The following FAM78B variants were observed in gnomAD, a reference collection of about 807,000 sequenced individuals.
FAM78B encodes the protein protein FAM78B.
In FAM78B, 10 loss-of-function variants were observed where a neutral mutation model predicts 20.0. That is an observed-to-expected ratio of 0.50 (90% CI 0.31 to 0.85). FAM78B has a LOEUF of 0.85. Ranked by LOEUF, FAM78B falls within the 40% of genes least tolerant of loss-of-function variation. The pLI is 0.05. For synonymous variants in FAM78B, 135 were observed against 132.8 expected, an observed-to-expected ratio of 1.02 and a Z score of -0.12; for missense variants, 283 against 345.0, an observed-to-expected ratio of 0.82 and a Z score of 1.42.
At position 166,109,862 on chromosome 1, in the gene FAM78B, GTA is replaced by G. The variant is rs1491187344; in HGVS notation, c.264-39101_264-39100del. Among the ~76,000 whole-genome samples, 26 of 16,270 alleles carry G rather than the reference GTA, an allele frequency of 1.6e-3. 4 individuals carry two copies. Among genetic ancestry groups the G allele is most frequent in the South Asian group, 4.9e-3 (2 of 406 alleles). 10.7% of individuals were successfully genotyped at this position (16,270 alleles called of 152,430 possible). A position where few individuals can be genotyped will look rare whatever the true frequency, so the allele number is the denominator to read the frequency against. On this transcript the variant is annotated intron_variant, in intron 1 of 1. Transcript: ENST00000354422. ...TATGTATATATATATATATATATAT[GTA>G]TGTGTATATATATATATGTATATAT... is the stretch of plus-strand genomic sequence containing the variant.
intron 2 of FAM78B, among the ~76,000 whole-genome samples, chr1:166,063,694 G>A (rs891327263): frequency 1.4e-4 from 22 of 152,120 alleles, no homozygotes; most frequent in African/African-American, 5.1e-4. Context: ...TAGGCTCAGC[G>A]ATCTCACTAT....
chr1:166,125,230 C>T lies in FAM78B; in HGVS notation c.263+40756G>A, dbSNP rs138688332. ...TTTTTCCTATGGTTGTGGGACCAAG[C>T]GCCAGGCAGGTCTCTGACTCACTGT... On this transcript the variant is annotated intron_variant, in intron 1 of 1. Coordinates refer to ENST00000354422, the MANE Select transcript of FAM78B (RefSeq NM_001017961.5). Among the ~76,000 whole-genome samples the T allele has an allele frequency of 2.0e-3, 311 of 152,226 alleles. 1 individual carries two copies. The highest frequency in any genetic ancestry group is 6.9e-3 in the African/African-American group (285 of 41,554).
intron 1 of FAM78B, among the ~76,000 whole-genome samples, chr1:166,151,229 G>T (rs1003721891): frequency 6.6e-6 from 1 of 152,190 alleles, no homozygotes; most frequent in Non-Finnish European, 1.5e-5. Flanking sequence ...TGACTGTCTC[G>T]TCCACTTCTT....
At chr1:166,074,717 C>A (rs1271737195) in intron 1 of FAM78B, among the ~76,000 whole-genome samples, 1 of 152,118 alleles carries the variant, frequency 6.6e-6, no homozygotes, top group African/African-American at 2.4e-5. Flanking sequence ...TAGTATCATG[C>A]CTTGCACGGA....
At chr1:166,117,722 T>C (rs1654312625) in intron 1 of FAM78B, among the ~76,000 whole-genome samples, 1 of 152,234 alleles carries the variant, frequency 6.6e-6, no homozygotes, top group South Asian at 2.1e-4. Flanking sequence ...ACTTAAAATA[T>C]CTAAAGGGTT....
Position 166,166,282 on chromosome 1 carries a change from GGCA to G in FAM78B, c.-37_-35del, listed in dbSNP as rs1274653923. 1 of 1,230,744 alleles carries G rather than the reference GGCA, an allele frequency of 8.1e-7. No individual in the cohort carries two copies. The highest frequency in any genetic ancestry group is 1.6e-5 in the African/African-American group (1 of 63,700). 76.2% of individuals were successfully genotyped at this position (1,230,744 alleles called of 1,614,324 possible). ...CCGGTGCCGGCACGGCGCGGCGTGG[GGCA>G]GCGCGGGGGCCCGCGCGGGCAGCCG... On this transcript the variant is annotated 5_prime_UTR_variant, in exon 1 of 2. Coordinates refer to ENST00000354422, the MANE Select transcript of FAM78B (RefSeq NM_001017961.5).
intron 1 of FAM78B, among the ~76,000 whole-genome samples, chr1:166,151,619 AG>A (rs1405739551): frequency 1.3e-5 from 2 of 152,328 alleles, no homozygotes; most frequent in African/African-American, 4.8e-5. Context: ...AACCATGGCC[AG>A]ATGTAAGTGG....
At chr1:166,055,925 A>G (rs1462689409), downstream of FAM78B, among the ~76,000 whole-genome samples, 1 of 152,214 alleles carries the variant, frequency 6.6e-6, no homozygotes, top group East Asian at 1.9e-4. Flanking sequence ...GTGTTCAGCA[A>G]TTGCCAGTTC....
chr1:166,133,704 A>G (rs1290804198), intron 1 of FAM78B, among the ~76,000 whole-genome samples: 1 of 152,108 alleles, frequency 6.6e-6, no homozygotes, highest in Admixed American at 6.5e-5. Context: ...TAATTAGAGC[A>G]GGTCTTTGCA....
chr1:166,077,152 A>T lies in FAM78B; in HGVS notation c.264-6389T>A, dbSNP rs537980074. On this transcript the variant is annotated intron_variant, in intron 1 of 1. Transcript: ENST00000354422. ...GCTGGTGGAAGCCATTCTGCAAGGGAATTAACAAGCACAAGAAAAAAACGA... is the reference window on the plus strand; with the variant it reads ...GCTGGTGGAAGCCATTCTGCAAGGGTATTAACAAGCACAAGAAAAAAACGA... Among the ~76,000 whole-genome samples the T allele has an allele frequency of 2.0e-5, 3 of 152,234 alleles. No homozygotes were observed. The South Asian group carries it at 6.2e-4, about 32-fold the overall frequency.
Position 166,165,987 on chromosome 1 carries a change from T to C in FAM78B, c.262A>G (p.Met88Val), listed in dbSNP as rs200433411. The change falls in exon 1 of 2, where the codon ATG (methionine) becomes GTG (valine). Residue 88 changes from methionine to valine, a missense_variant and splice_region_variant. By Grantham distance (21) the Met-to-Val change is conservative (BLOSUM62 1). Transcript: ENST00000354422. ...CGTGCCGCGCGGCGAGTCGCTTACA[T>C]GCCCAGGTCGCTGTAGGTGTTGAAG... is the stretch of plus-strand genomic sequence containing the variant. Reference protein sequence around the residue: ...EFFNTYSDLGMSSWELPDLRE... With the variant: ...EFFNTYSDLGVSSWELPDLRE... 6.2e-7 allele frequency: 1 copy of C among 1,602,808 alleles called. No individual in the cohort carries two copies. The highest frequency in any genetic ancestry group is 1.1e-5 in the South Asian group (1 of 90,900).
chr1:166,095,567 T>A (rs1445931030), intron 1 of FAM78B, among the ~76,000 whole-genome samples: 1 of 152,110 alleles, frequency 6.6e-6, no homozygotes, highest in Non-Finnish European at 1.5e-5. Context: ...TTCATACTGT[T>A]TTTAATAGGA....
chr1:166,130,688 T>A lies in FAM78B; in HGVS notation c.263+35298A>T, dbSNP rs377539263. On this transcript the variant is annotated intron_variant, in intron 1 of 1. Transcript: ENST00000354422. ...TTGAGAAACCCTGAATACTTATTAATTAAAATAAGTATTATTAATCAAGTT... is the reference window on the plus strand; with the variant it reads ...TTGAGAAACCCTGAATACTTATTAAATAAAATAAGTATTATTAATCAAGTT... Among the ~76,000 whole-genome samples the A allele has an allele frequency of 6.6e-5, 10 of 152,280 alleles. No homozygotes were observed. In the East Asian group the frequency reaches 1.2e-3, roughly 18 times the overall value.
chr1:166,076,266 C>T (rs1652271289), intron 1 of FAM78B, among the ~76,000 whole-genome samples: 1 of 152,164 alleles, frequency 6.6e-6, no homozygotes, highest in Non-Finnish European at 1.5e-5. Flanking sequence ...GATCCGGTTC[C>T]CTATTTCCTC....
At chr1:166,072,082 C>A (rs1245515357) in intron 1 of FAM78B, among the ~76,000 whole-genome samples, 1 of 152,212 alleles carries the variant, frequency 6.6e-6, no homozygotes, top group Non-Finnish European at 1.5e-5. Context: ...CAGTGGTCTT[C>A]TTTGACATAA....
intron 1 of FAM78B, among the ~76,000 whole-genome samples, chr1:166,120,705 T>G (rs1654434516): frequency 6.6e-6 from 1 of 151,954 alleles, no homozygotes; most frequent in Non-Finnish European, 1.5e-5. Context: ...GAATCTGAAG[T>G]GAGGTGGGTG....
At chr1:166,094,021 G>A (rs1653178402) in intron 1 of FAM78B, among the ~76,000 whole-genome samples, 1 of 150,370 alleles carries the variant, frequency 6.7e-6, no homozygotes, top group Admixed American at 6.6e-5. Flanking sequence ...GTGTGTGTGT[G>A]TGTGTGTGTG....
rs770431583 is a variant in FAM78B at position 166,166,163 on chromosome 1, T to C, written c.86A>G (p.Gln29Arg). ...VVYDVCATID[Q>R]CPTRIEETSP... ...GGTCTCCTCGATGCGCGTGGGGCACTGGTCGATGGTGGCGCACACATCGTA... is the reference window on the plus strand; with the variant it reads ...GGTCTCCTCGATGCGCGTGGGGCACCGGTCGATGGTGGCGCACACATCGTA... Residue 29 changes from glutamine to arginine, a missense_variant, in exon 1 of 2, where the codon CAG (glutamine) becomes CGG (arginine). Gln to Arg is a conservative substitution (Grantham distance 43). Coordinates refer to ENST00000354422, the MANE Select transcript of FAM78B (RefSeq NM_001017961.5). 8 of 1,603,096 alleles carry C rather than the reference T, an allele frequency of 5.0e-6. No homozygotes were observed. Among genetic ancestry groups the C allele is most frequent in the Non-Finnish European group, 6.8e-6 (8 of 1,174,722 alleles).
intron 1 of FAM78B, among the ~76,000 whole-genome samples, chr1:166,129,400 G>A (rs1453356954): frequency 5.3e-5 from 8 of 152,114 alleles, no homozygotes; most frequent in Non-Finnish European, 1.2e-4. Flanking sequence ...TATTTGTTGA[G>A]GGCCATATAA....
Sources: allele counts gnomAD v4.1 joint callset (sites outside exome capture counted in the v4.1 genomes callset), GRCh38; gene constraint gnomAD v4.1.1; transcripts MANE v1.5; gene names NCBI Gene and HGNC (gene_info 2026-07-23, HGNC 2026-07-21).